HTT: variants seen among roughly 807,000 people sequenced by gnomAD.
HTT encodes huntingtin.
HTT carries 104 observed loss-of-function variants against 362.3 expected under a neutral mutation model. The observed-to-expected ratio is 0.29, with a 90% confidence interval of 0.24 to 0.34. HTT has a LOEUF of 0.34. Among genes scored for constraint, HTT ranks in the 10% least tolerant of loss-of-function variants. The probability of loss-of-function intolerance (pLI) is 1.00; values close to 1 mark genes in which losing one functional copy is unlikely to be tolerated. For missense variants in HTT, 3,301 were observed against 3,928.6 expected, an observed-to-expected ratio of 0.84 and a Z score of 4.27; for synonymous variants, 1,577 against 1,548.7, an observed-to-expected ratio of 1.02 and a Z score of -0.43.
At chr4:3,122,809 T>C in intron 9 of HTT, 80 bp from the exon 10 acceptor site, 1 of 1,149,604 alleles carries the variant, frequency 8.7e-7, no homozygotes, top group Non-Finnish European at 1.3e-6. Context: ...TAAAGTTGAA[T>C]CAAGCTGTTT....
rs563950274 is a variant in HTT at position 3,210,521 on chromosome 4, A to T, written c.6414+572A>T. ...GAGGTTCTTCACCCCCCAACCCCAGATGTCAGAGGGCACCCTGCGCAGAGC... is the reference window on the plus strand; with the variant it reads ...GAGGTTCTTCACCCCCCAACCCCAGTTGTCAGAGGGCACCCTGCGCAGAGC... On this transcript the variant is annotated intron_variant, in intron 47 of 66. Coordinates refer to ENST00000355072, the MANE Select transcript of HTT (RefSeq NM_001388492.1). Among the ~76,000 whole-genome samples, 19 of 152,248 alleles carry T rather than the reference A, an allele frequency of 1.2e-4. No homozygotes were observed. In the South Asian group the frequency reaches 3.7e-3, roughly 30 times the overall value.
Position 3,206,826 on chromosome 4 carries a change from C to T in HTT, c.5918C>T (p.Thr1973Ile), listed in dbSNP as rs758918879. The T allele has an allele frequency of 1.2e-6, 2 of 1,602,076 alleles. No homozygotes were observed. The highest frequency in any genetic ancestry group is 1.7e-6 in the Non-Finnish European group (2 of 1,172,860). Reference protein sequence around the residue: ...NLSTPTMLKKTLQCLEGIHLS... With the variant: ...NLSTPTMLKKILQCLEGIHLS... ...TGTTAGCCAACCATGCTGAAGAAAA[C>T]TCTTCAGTGCTTGGAGGGGATCCAT... The change falls in exon 44 of 67, where the codon ACT becomes ATT. Residue 1973 changes from threonine to isoleucine, a missense_variant. Transcript: ENST00000355072. The surrounding 1 kb of genome is among the most constrained non-coding windows in gnomAD (Gnocchi z 4.6).
At position 3,220,203 on chromosome 4, in the gene HTT, C is replaced by T; in HGVS notation, c.7264C>T (p.Pro2422Ser). The T allele has an allele frequency of 6.2e-7, 1 of 1,614,144 alleles. No homozygotes were observed. The highest frequency in any genetic ancestry group is 8.5e-7 in the Non-Finnish European group (1 of 1,180,018). The part of the protein sequence containing the change: ...PPLVWKLGWS[P>S]KPGGDFGTAF... ...TCAGGTGTGGAAGCTTGGATGGTCACCCAAACCGGGAGGGGATTTTGGCAC... is the reference window on the plus strand; with the variant it reads ...TCAGGTGTGGAAGCTTGGATGGTCATCCAAACCGGGAGGGGATTTTGGCAC... Residue 2422 changes from proline to serine, a missense_variant, in exon 53 of 67, where the codon CCC (proline) becomes TCC (serine). Transcript: ENST00000355072.
At chr4:3,214,436 T>G (rs991927239) in intron 50 of HTT, among the ~76,000 whole-genome samples, 1 of 152,274 alleles carries the variant, frequency 6.6e-6, no homozygotes, top group Admixed American at 6.5e-5. Flanking sequence ...AGCTGTTTTA[T>G]GTATTTAGTC....
Position 3,074,786 on chromosome 4 carries a change from C to T in HTT, c.-40C>T. ...TGCTGAGCGGCGCCGCGAGTCGGCC[C>T]GAGGCCTCCGGGGACTGCCGTGCCG... On this transcript the variant is annotated 5_prime_UTR_variant, in exon 1 of 67. Transcript: ENST00000355072. 1 of 1,505,448 alleles carries T rather than the reference C, an allele frequency of 6.6e-7. No individual in the cohort carries two copies. Among genetic ancestry groups the T allele is most frequent in the Non-Finnish European group, 8.8e-7 (1 of 1,133,130 alleles). The allele number at this position is 1,505,448 out of a possible 1,614,324, so 93.3% of individuals were successfully genotyped here. A position where few individuals can be genotyped will look rare whatever the true frequency, so the allele number is the denominator to read the frequency against.
At chr4:3,237,929 C>T (rs993761279) in intron 64 of HTT, among the ~76,000 whole-genome samples, 7 of 152,138 alleles carry the variant, frequency 4.6e-5, no homozygotes, top group Middle Eastern at 6.3e-3. Context: ...TGCCACGAAG[C>T]GTTAGAACAC....
At chr4:3,167,552 T>A (rs1340137066) in intron 29 of HTT, among the ~76,000 whole-genome samples, 3 of 152,190 alleles carry the variant, frequency 2.0e-5, no homozygotes, top group African/African-American at 7.2e-5. Flanking sequence ...AATAGTAAGA[T>A]TTTCTTTTTT....
intron 40 of HTT, among the ~76,000 whole-genome samples, chr4:3,195,294 C>T (rs1165117926): frequency 1.3e-5 from 2 of 152,162 alleles, no homozygotes; most frequent in African/African-American, 2.4e-5. Flanking sequence ...TTCTTTATTT[C>T]CAATTCCTGC....
Position 3,217,827 on chromosome 4 carries a change from G to T in HTT, c.7117G>T (p.Val2373Leu). 2 of 1,614,226 alleles carry T rather than the reference G, an allele frequency of 1.2e-6. No individual in the cohort carries two copies. Among genetic ancestry groups the T allele is most frequent in the South Asian group, 1.1e-5 (1 of 91,078 alleles). The change falls in exon 52 of 67, where the codon GTG (valine) becomes TTG (leucine). Residue 2373 changes from valine to leucine, a missense_variant. This residue lies in a region of HTT where 753 missense variants were observed against 1,021.3 expected (regional missense o/e 0.74). Coordinates refer to ENST00000355072, the MANE Select transcript of HTT (RefSeq NM_001388492.1). ...VAEMVESLQSVLALGHKRNSG... is the reference protein window; with the variant it reads ...VAEMVESLQSLLALGHKRNSG... The stretch of plus-strand genomic sequence containing the variant: ...AGAAATGGTGGAGTCTCTGCAGTCG[G>T]TGTTGGCCTTGGGTCATAAAAGGAA...
At position 3,209,956 on chromosome 4, in the gene HTT, G is replaced by T. The variant is rs745894267; in HGVS notation, c.6414+7G>T. 1 of 1,613,034 alleles carries T rather than the reference G, an allele frequency of 6.2e-7. No homozygotes were observed. Among genetic ancestry groups the T allele is most frequent in the Non-Finnish European group, 8.5e-7 (1 of 1,179,402 alleles). On this transcript the variant is annotated splice_region_variant and intron_variant, in intron 47 of 66. Transcript: ENST00000355072. ...TGCCTTCATGATGAACTCGGTACGGGGGGAGCAGTGGAGGCAAGGAATCCT... is the reference window on the plus strand; with the variant it reads ...TGCCTTCATGATGAACTCGGTACGGTGGGAGCAGTGGAGGCAAGGAATCCT...
intron 1 of HTT, among the ~76,000 whole-genome samples, chr4:3,085,530 T>C (rs1024509473): frequency 1.3e-5 from 2 of 152,340 alleles, no homozygotes; most frequent in African/African-American, 4.8e-5. Flanking sequence ...CAGTTCTTGC[T>C]CAGAGCAAGG....
chr4:3,104,944 G>A (rs1041286812), intron 4 of HTT, among the ~76,000 whole-genome samples: 2 of 152,016 alleles, frequency 1.3e-5, no homozygotes, highest in Admixed American at 1.3e-4. Context: ...CACTATTATC[G>A]ACTATATATT....
rs1294727309 is a variant in HTT, at chr4:3,223,388, T to A, written c.7471-18T>A. Reference sequence around the variant, plus strand: ...GGGTGTCTTGCTGCTCTTGTTGACATGTGGGCTCTCCTTCCAGGAAGACAC... The same window carrying A: ...GGGTGTCTTGCTGCTCTTGTTGACAAGTGGGCTCTCCTTCCAGGAAGACAC... On this transcript the variant is annotated intron_variant, in intron 54 of 66. Transcript: ENST00000355072. The A allele has an allele frequency of 1.3e-6, 2 of 1,561,814 alleles. No individual in the cohort carries two copies. Among genetic ancestry groups the A allele is most frequent in the South Asian group, 1.2e-5 (1 of 83,684 alleles).
Position 3,228,711 on chromosome 4 carries a change from C to T in HTT, c.7945C>T (p.Pro2649Ser). Residue 2649 changes from proline (P) to serine (S), a missense_variant, in exon 58 of 67, where the codon CCT (proline) becomes TCT (serine). This residue lies in a region of HTT where 753 missense variants were observed against 1,021.3 expected (regional missense o/e 0.74). Transcript: ENST00000355072. This position sits in a 1 kb window ranked among gnomAD's most constrained non-coding sequence, Gnocchi z 4.3. ...GGAGGAGGAGGCCGACGCCCCTGCA[C>T]CTTCGTCACCACCCACGTCTCCAGT... is the stretch of plus-strand genomic sequence containing the variant. ...EEEEEADAPAPSSPPTSPVNS... is the reference protein window; with the variant it reads ...EEEEEADAPASSSPPTSPVNS... 1 of 1,606,672 alleles carries T rather than the reference C, an allele frequency of 6.2e-7. No homozygotes were observed. Among genetic ancestry groups the T allele is most frequent in the Non-Finnish European group, 8.5e-7 (1 of 1,175,702 alleles).
intron 56 of HTT, 150 bp from the exon 57 acceptor site, chr4:3,225,511 T>G: frequency 1.6e-6 from 1 of 633,692 alleles, no homozygotes; most frequent in South Asian, 2.0e-5. Flanking sequence ...CCCACAGGGC[T>G]CTGCACAACC....
At chr4:3,195,724 A>G (rs1366544794) in intron 40 of HTT, among the ~76,000 whole-genome samples, 1 of 152,164 alleles carries the variant, frequency 6.6e-6, no homozygotes, top group Non-Finnish European at 1.5e-5. Flanking sequence ...TTTTATGACA[A>G]TGTATTGAGG....
Position 3,235,267 on chromosome 4 carries a change from C to T in HTT, c.8457-17C>T, listed in dbSNP as rs781464491. On this transcript the variant is annotated splice_polypyrimidine_tract_variant and intron_variant, in intron 61 of 66. Transcript: ENST00000355072. ...GGATGGGGGTGGCTGAGCCTGGATGCTGTCTCCCGTTTTCAGCTGCGTGAA... is the reference window on the plus strand; with the variant it reads ...GGATGGGGGTGGCTGAGCCTGGATGTTGTCTCCCGTTTTCAGCTGCGTGAA... The T allele has an allele frequency of 4.0e-5, 63 of 1,569,556 alleles. No homozygotes were observed. Among genetic ancestry groups the T allele is most frequent in the Non-Finnish European group, 5.4e-5 (62 of 1,140,460 alleles).
chr4:3,090,562 A>G (rs1251008153), intron 2 of HTT, among the ~76,000 whole-genome samples: 1 of 152,230 alleles, frequency 6.6e-6, no homozygotes, highest in East Asian at 1.9e-4. Flanking sequence ...TAACGTTTAA[A>G]GATCTAGTTC....
chr4:3,186,367 TG>T (rs1344318085), intron 37 of HTT, among the ~76,000 whole-genome samples: 17 of 152,192 alleles, frequency 1.1e-4, no homozygotes, highest in Non-Finnish European at 2.2e-4. Flanking sequence ...TTATTATTTA[TG>T]TAATAAAAAT....
Sources: gnomAD v4.1 joint callset for allele counts (sites outside exome capture counted in the v4.1 genomes callset) on GRCh38, gnomAD v4.1.1 for gene constraint, gnomAD v4.1.1 regional missense constraint, Gnocchi (gnomAD v3.1) non-coding constraint, MANE v1.5 for transcripts, NCBI Gene and HGNC (gene_info 2026-07-23, HGNC 2026-07-21) for gene names.